Variants in KCNQ1OT1 observed in about 807,000 individuals in gnomAD.
KCNQ1OT1 encodes KCNQ1 antisense RNA 2 (non-protein coding).
In KCNQ1OT1 at chr11:2,687,467, C is replaced by T; in HGVS notation, n.12528G>A. ...ATCCCTGCCTGCACAAGAGCTGCTG[C>T]AGCATTTCAATAGGGCCATCCCAGG... On this transcript the variant is annotated non_coding_transcript_exon_variant, in exon 1 of 1. Transcript: ENST00000597346. The surrounding 1 kb of genome is among the most constrained non-coding windows in gnomAD (Gnocchi z 5.0). The T allele has an allele frequency of 2.5e-6, 1 of 398,834 alleles. No individual in the cohort carries two copies. The highest frequency in any genetic ancestry group is 2.1e-5 in the African/African-American group (1 of 48,736). 24.7% of individuals were successfully genotyped at this position (398,834 alleles called of 1,614,324 possible). A position where few individuals can be genotyped will look rare whatever the true frequency, so the allele number is the denominator to read the frequency against.
At chr11:2,631,930 C>A in exon 1 of KCNQ1OT1, 1 of 397,326 alleles carries the variant, frequency 2.5e-6, no homozygotes, top group Non-Finnish European at 4.4e-6. Context: ...CGCCTGTAAT[C>A]CCAGCACTTT....
exon 1 of KCNQ1OT1, chr11:2,635,265 G>A (rs1296618105): frequency 2.6e-5 from 4 of 152,294 alleles, no homozygotes; most frequent in African/African-American, 9.6e-5. Flanking sequence ...CCATGCCTAT[G>A]TCCTGAATGG....
chr11:2,652,410 G>A lies in KCNQ1OT1; in HGVS notation n.47585C>T. ...ATTAAAAACATTTTTTTCTTCCTGT[G>A]TAATTTTGTCTTGAAAATCAAGGCC... On this transcript the variant is annotated non_coding_transcript_exon_variant, in exon 1 of 1. Coordinates refer to ENST00000597346, the Ensembl canonical transcript of KCNQ1OT1. The surrounding 1 kb of genome is among the most constrained non-coding windows in gnomAD (Gnocchi z 5.9). 1 of 398,544 alleles carries A rather than the reference G, an allele frequency of 2.5e-6. No homozygotes were observed. Among genetic ancestry groups the A allele is most frequent in the Non-Finnish European group, 4.4e-6 (1 of 226,062 alleles). The allele number at this position is 398,544 out of a possible 1,614,324, so 24.7% of individuals were successfully genotyped here.
At position 2,658,252 on chromosome 11, in the gene KCNQ1OT1, G is replaced by A. The variant is rs1590011909; in HGVS notation, n.41743C>T. The A allele has an allele frequency of 2.5e-6, 1 of 398,546 alleles. No individual in the cohort carries two copies. The highest frequency in any genetic ancestry group is 3.6e-5 in the East Asian group (1 of 28,068). The allele number at this position is 398,546 out of a possible 1,614,324, so 24.7% of individuals were successfully genotyped here. The stretch of plus-strand genomic sequence containing the variant: ...TTCCTGCAGCAAATATTACCGTGAT[G>A]TACTTCTATTTTCCTCATTCCTTCT... On this transcript the variant is annotated non_coding_transcript_exon_variant, in exon 1 of 1. Coordinates refer to ENST00000597346, the Ensembl canonical transcript of KCNQ1OT1. This position sits in a 1 kb window ranked among gnomAD's most constrained non-coding sequence, Gnocchi z 4.9.
chr11:2,661,602 C>G lies in KCNQ1OT1; in HGVS notation n.38393G>C. Reference sequence around the variant, plus strand: ...TGGGAGCTGTTGTCCCTTACCAGGCCTGTGCCTGTCACCTCTGTTTTATTC... The same window carrying G: ...TGGGAGCTGTTGTCCCTTACCAGGCGTGTGCCTGTCACCTCTGTTTTATTC... On this transcript the variant is annotated non_coding_transcript_exon_variant, in exon 1 of 1. Transcript: ENST00000597346. This position sits in a 1 kb window ranked among gnomAD's most constrained non-coding sequence, Gnocchi z 5.9. 1.7e-6 allele frequency: 1 copy of G among 579,508 alleles called. No homozygotes were observed. The highest frequency in any genetic ancestry group is 3.0e-5 in the Admixed American group (1 of 33,248). 35.9% of individuals were successfully genotyped at this position (579,508 alleles called of 1,614,324 possible). A position where few individuals can be genotyped will look rare whatever the true frequency, so the allele number is the denominator to read the frequency against.
At chr11:2,609,539 A>G (rs1848942240) in exon 1 of KCNQ1OT1, 2 of 398,204 alleles carry the variant, frequency 5.0e-6, no homozygotes, top group African/African-American at 2.1e-5. Flanking sequence ...TTTTGAGTCT[A>G]GTTGGTTTAT....
In KCNQ1OT1 at chr11:2,652,215, G is replaced by C. The variant is rs140770541; in HGVS notation, n.47780C>G. On this transcript the variant is annotated non_coding_transcript_exon_variant, in exon 1 of 1. Transcript: ENST00000597346. This position sits in a 1 kb window ranked among gnomAD's most constrained non-coding sequence, Gnocchi z 5.9. ...GATTTGGTAGCCAGGGCCTGGAGCCGGATGCTGAGAATGAGGCCTGCAACT... is the reference window on the plus strand; with the variant it reads ...GATTTGGTAGCCAGGGCCTGGAGCCCGATGCTGAGAATGAGGCCTGCAACT... 1.7e-3 allele frequency: 665 copies of C among 398,608 alleles called. 12 individuals carry two copies. The East Asian group carries it at 0.023, about 14-fold the overall frequency. The allele number at this position is 398,608 out of a possible 1,614,324, so 24.7% of individuals were successfully genotyped here. A position where few individuals can be genotyped will look rare whatever the true frequency, so the allele number is the denominator to read the frequency against.
At chr11:2,643,442 C>G (rs1049196526) in exon 1 of KCNQ1OT1, 2 of 398,148 alleles carry the variant, frequency 5.0e-6, no homozygotes, top group East Asian at 7.1e-5. Flanking sequence ...TTTAGCTTAA[C>G]CTTTGTTTTA....
In KCNQ1OT1 at chr11:2,657,062, T is replaced by A. The variant is rs1158971853; in HGVS notation, n.42933A>T. On this transcript the variant is annotated non_coding_transcript_exon_variant, in exon 1 of 1. Transcript: ENST00000597346. This position sits in a 1 kb window ranked among gnomAD's most constrained non-coding sequence, Gnocchi z 4.8. The stretch of plus-strand genomic sequence containing the variant: ...GTGTGGGCTGTTTCCCAATGCTCAA[T>A]CCTGTCCCATTGGCCTATTTGTCTC... 3 of 398,534 alleles carry A rather than the reference T, an allele frequency of 7.5e-6. No homozygotes were observed. Among genetic ancestry groups the A allele is most frequent in the African/African-American group, 6.2e-5 (3 of 48,634 alleles). 24.7% of individuals were successfully genotyped at this position (398,534 alleles called of 1,614,324 possible). A position where few individuals can be genotyped will look rare whatever the true frequency, so the allele number is the denominator to read the frequency against.
rs1849861911 is a variant in KCNQ1OT1, at chr11:2,656,988, T to C, written n.43007A>G. ...ACATTTGATTGAAAAGTCCATGCTC[T>C]TCCCAGGATGTGCAGGCCACCTCTG... On this transcript the variant is annotated non_coding_transcript_exon_variant, in exon 1 of 1. Coordinates refer to ENST00000597346, the Ensembl canonical transcript of KCNQ1OT1. 10 of 398,512 alleles carry C rather than the reference T, an allele frequency of 2.5e-5. No individual in the cohort carries two copies. The East Asian group carries it at 3.6e-4, about 14-fold the overall frequency. The allele number at this position is 398,512 out of a possible 1,614,324, so 24.7% of individuals were successfully genotyped here. A position where few individuals can be genotyped will look rare whatever the true frequency, so the allele number is the denominator to read the frequency against.
exon 1 of KCNQ1OT1, chr11:2,610,470 T>A (rs1387541898): frequency 1.3e-5 from 5 of 398,320 alleles, no homozygotes; most frequent in Non-Finnish European, 2.2e-5. Context: ...TTTTATGGAT[T>A]TGAGTTACCA....
rs145283993 is a variant in KCNQ1OT1, at chr11:2,612,914, G to A, written n.87081C>T. On this transcript the variant is annotated non_coding_transcript_exon_variant, in exon 1 of 1. Coordinates refer to ENST00000597346, the Ensembl canonical transcript of KCNQ1OT1. This position sits in a 1 kb window ranked among gnomAD's most constrained non-coding sequence, Gnocchi z 5.5. ...CTGTTACTCATTTATTTGTTTGCTC[G>A]CTTGTGTATGCCTTCTCTGCATGGA... is the stretch of plus-strand genomic sequence containing the variant. 4.2e-4 allele frequency: 168 copies of A among 398,410 alleles called. No homozygotes were observed. The highest frequency in any genetic ancestry group is 2.5e-3 in the Middle Eastern group (4 of 1,588). 24.7% of individuals were successfully genotyped at this position (398,410 alleles called of 1,614,324 possible). A position where few individuals can be genotyped will look rare whatever the true frequency, so the allele number is the denominator to read the frequency against.
Position 2,668,123 on chromosome 11 carries a change from C to T in KCNQ1OT1, n.31872G>A, listed in dbSNP as rs1178560777. On this transcript the variant is annotated non_coding_transcript_exon_variant, in exon 1 of 1. Coordinates refer to ENST00000597346, the Ensembl canonical transcript of KCNQ1OT1. The surrounding 1 kb of genome is among the most constrained non-coding windows in gnomAD (Gnocchi z 4.3). Reference sequence around the variant, plus strand: ...GTCCCTCACTCAATTTGATGTCTGGCAGCCTCTCTATGGGGCTGAAGGGAG... The same window carrying T: ...GTCCCTCACTCAATTTGATGTCTGGTAGCCTCTCTATGGGGCTGAAGGGAG... 1 of 398,516 alleles carries T rather than the reference C, an allele frequency of 2.5e-6. No homozygotes were observed. Among genetic ancestry groups the T allele is most frequent in the Non-Finnish European group, 4.4e-6 (1 of 226,078 alleles). 24.7% of individuals were successfully genotyped at this position (398,516 alleles called of 1,614,324 possible).
exon 1 of KCNQ1OT1, chr11:2,615,580 T>G (rs1241741840): frequency 2.5e-6 from 1 of 397,976 alleles, no homozygotes; most frequent in Non-Finnish European, 4.4e-6. Context: ...TTCCATGTTT[T>G]TATCCTGAAA....
exon 1 of KCNQ1OT1, chr11:2,630,677 T>G (rs1849338235): frequency 2.5e-6 from 1 of 398,318 alleles, no homozygotes; most frequent in Non-Finnish European, 4.4e-6. Flanking sequence ...ATCAGTGAAT[T>G]TTGTACTTTC....
rs1318166384 is a variant in KCNQ1OT1, at chr11:2,667,165, C to T, written n.32830G>A. ...TGGGAATCAGATGCCCTCAATCTGG[C>T]TTCCAGCCTGCCATCAGCCCAGCTG... On this transcript the variant is annotated non_coding_transcript_exon_variant, in exon 1 of 1. Transcript: ENST00000597346. 6.5e-5 allele frequency: 26 copies of T among 398,568 alleles called. No homozygotes were observed. In the Admixed American group the frequency reaches 1.1e-3, roughly 17 times the overall value. The allele number at this position is 398,568 out of a possible 1,614,324, so 24.7% of individuals were successfully genotyped here.
exon 1 of KCNQ1OT1, chr11:2,685,044 T>G: frequency 2.5e-6 from 1 of 398,662 alleles, no homozygotes; most frequent in Admixed American, 4.4e-5. Context: ...GCACATTTCC[T>G]GGATTTAAAA....
At chr11:2,633,856 C>G (rs113187345) in exon 1 of KCNQ1OT1, 3 of 398,422 alleles carry the variant, frequency 7.5e-6, no homozygotes, top group Non-Finnish European at 1.3e-5. Context: ...CTGTGTAATG[C>G]GCATATACAA....
At chr11:2,672,594 A>G (rs1271005455) in exon 1 of KCNQ1OT1, 4 of 398,584 alleles carry the variant, frequency 1.0e-5, no homozygotes, top group African/African-American at 2.1e-5. Flanking sequence ...TGATTGGGAA[A>G]GCATCCCTGT....
Sources: gnomAD v4.1 joint callset for allele counts on GRCh38, gnomAD v4.1.1 for gene constraint, Gnocchi (gnomAD v3.1) non-coding constraint, MANE v1.5 for transcripts, NCBI Gene and HGNC (gene_info 2026-07-23, HGNC 2026-07-21) for gene names.